The following AGBL4 variants were observed in gnomAD, a reference collection of about 807,000 sequenced individuals.
The protein encoded by AGBL4 is cytosolic carboxypeptidase 6.
In AGBL4, 58 loss-of-function variants were observed where a neutral mutation model predicts 66.4. The observed-to-expected ratio is 0.87, with a 90% CI of 0.71 to 1.09. The LOEUF (loss-of-function observed/expected upper bound fraction) is 1.09. Ranked by LOEUF, AGBL4 falls within the 50% of genes least tolerant of loss-of-function variation. The probability of loss-of-function intolerance (pLI) is 0.00; values close to 1 mark genes in which losing one functional copy is unlikely to be tolerated. For synonymous variants in AGBL4, 234 were observed against 222.9 expected (o/e 1.05, Z -0.44); for missense variants, 579 against 631.0 (o/e 0.92, Z 0.88).
rs565127283 is a variant in AGBL4 at position 49,350,187 on chromosome 1, G to GTT, written c.283-104325_283-104324dup. Among the ~76,000 whole-genome samples the GTT allele has an allele frequency of 3.4e-4, 48 of 142,598 alleles. No homozygotes were observed. The East Asian group carries it at 3.5e-3, about 10-fold the overall frequency. 93.5% of individuals were successfully genotyped at this position (142,598 alleles called of 152,430 possible). A position where few individuals can be genotyped will look rare whatever the true frequency, so the allele number is the denominator to read the frequency against. On this transcript the variant is annotated intron_variant, in intron 3 of 13. Coordinates refer to ENST00000371839, the MANE Select transcript of AGBL4 (RefSeq NM_032785.4). ...AATTAAAATACTTCAATGAATATTT[G>GTT]TTTTTTTTTTTGTTTTGTTTTGTTT...
intron 1 of AGBL4, among the ~76,000 whole-genome samples, chr1:49,920,219 A>C (rs1169280582): frequency 4.6e-5 from 7 of 152,306 alleles, no homozygotes; most frequent in South Asian, 2.1e-4. Context: ...CAATGGCAAC[A>C]AAAGCCAAAA....
At chr1:48,726,862 C>G (rs1647307936) in intron 6 of AGBL4, among the ~76,000 whole-genome samples, 1 of 152,184 alleles carries the variant, frequency 6.6e-6, no homozygotes, top group East Asian at 1.9e-4. Flanking sequence ...TGAAAGGTAG[C>G]TATTATCTCC....
intron 3 of AGBL4, among the ~76,000 whole-genome samples, chr1:49,308,993 G>C (rs545416360): frequency 2.6e-5 from 4 of 152,196 alleles, no homozygotes; most frequent in Non-Finnish European, 4.4e-5. Flanking sequence ...GTACATGAGA[G>C]CTTTTGAGCA....
chr1:49,642,419 T>C (rs1645800632), intron 3 of AGBL4, among the ~76,000 whole-genome samples: 2 of 151,990 alleles, frequency 1.3e-5, no homozygotes, highest in Admixed American at 6.6e-5. Context: ...AGATCCTTGC[T>C]GTCTCCTTAA....
chr1:49,728,533 T>C (rs1649196063), intron 2 of AGBL4, among the ~76,000 whole-genome samples: 1 of 152,220 alleles, frequency 6.6e-6, no homozygotes, highest in East Asian at 1.9e-4. Context: ...TATTAGTTTG[T>C]AATGAGCTTG....
rs372705417 is a variant in AGBL4, at chr1:48,962,096, C to CCCATCCATCCATCCATCCAT, written c.594+83468_594+83487dup. 2.8e-3 allele frequency among the ~76,000 whole-genome samples: 424 copies of CCCATCCATCCATCCATCCAT among 151,148 alleles called. 4 individuals are homozygous for CCCATCCATCCATCCATCCAT. The highest frequency in any genetic ancestry group is 0.015 in the East Asian group (77 of 5,114). On this transcript the variant is annotated intron_variant, in intron 5 of 13. Transcript: ENST00000371839. ...AAGCAACCTGGTTCACTTAAAAGATCCCATCCATCCATCCATCCATCCATC... is the reference window on the plus strand; with the variant it reads ...AAGCAACCTGGTTCACTTAAAAGATCCCATCCATCCATCCATCCATCCATCCATCCATCCATCCATCCATC...
chr1:49,308,817 G>A (rs751142710), intron 3 of AGBL4, among the ~76,000 whole-genome samples: 3 of 152,116 alleles, frequency 2.0e-5, no homozygotes, highest in Admixed American at 6.6e-5. Context: ...GCACAGGTGG[G>A]AGGCTAGGAG....
intron 3 of AGBL4, among the ~76,000 whole-genome samples, chr1:49,570,879 A>G (rs1056391316): frequency 6.6e-6 from 1 of 152,060 alleles, no homozygotes; most frequent in African/African-American, 2.4e-5. Flanking sequence ...CAACTTTTTC[A>G]AAGATCAGTT....
intron 1 of AGBL4, among the ~76,000 whole-genome samples, chr1:49,933,179 A>C (rs377188060): frequency 1.3e-5 from 2 of 152,260 alleles, no homozygotes; most frequent in South Asian, 4.1e-4. Context: ...GCAAGATAAA[A>C]ACAAATAGTA....
At chr1:49,333,589 C>T (rs912011158) in intron 3 of AGBL4, among the ~76,000 whole-genome samples, 1 of 151,624 alleles carries the variant, frequency 6.6e-6, no homozygotes, top group African/African-American at 2.4e-5. Context: ...TCCTTAGATT[C>T]GATGGTGGGT....
chr1:49,677,630 T>A (rs1646606291), intron 3 of AGBL4, among the ~76,000 whole-genome samples: 2 of 152,106 alleles, frequency 1.3e-5, no homozygotes, highest in Non-Finnish European at 2.9e-5. Context: ...AGTGTTTTGT[T>A]CTCTATTTTC....
intron 2 of AGBL4, among the ~76,000 whole-genome samples, chr1:49,745,662 A>C (rs1449833228): frequency 6.6e-6 from 1 of 151,952 alleles, no homozygotes; most frequent in Non-Finnish European, 1.5e-5. Context: ...AAATACAATA[A>C]ATATTATAAA....
rs1644164470 is a variant in AGBL4, at chr1:48,546,592, G to A, written c.1268-6854C>T. ...AGTGGAAGGTGACGCTGAAATATTA[G>A]GCTAGAGACAAGTGAGTGAAGGCTT... On this transcript the variant is annotated intron_variant, in intron 11 of 13. Coordinates refer to ENST00000371839, the MANE Select transcript of AGBL4 (RefSeq NM_032785.4). Among the ~76,000 whole-genome samples the A allele has an allele frequency of 2.0e-5, 3 of 152,158 alleles. No individual in the cohort carries two copies. In the South Asian group the frequency reaches 6.2e-4, roughly 32 times the overall value.
At chr1:48,663,306 T>G in intron 6 of AGBL4, 65 bp from the exon 7 acceptor site, 1 of 1,507,356 alleles carries the variant, frequency 6.6e-7, no homozygotes, top group South Asian at 1.1e-5. Flanking sequence ...GTGGTTGGTG[T>G]GTGGCAGGGA....
chr1:48,590,204 A>C (rs1644890984), intron 10 of AGBL4, among the ~76,000 whole-genome samples: 1 of 152,130 alleles, frequency 6.6e-6, no homozygotes, highest in South Asian at 2.1e-4. Flanking sequence ...TGGGAGTTCG[A>C]GAGCAGCCAG....
intron 5 of AGBL4, among the ~76,000 whole-genome samples, chr1:48,912,261 A>T (rs1469495922): frequency 1.3e-5 from 2 of 152,348 alleles, no homozygotes. Flanking sequence ...GTTCCATGCT[A>T]GGGAATCCAG....
At chr1:49,659,779 T>C (rs960709933) in intron 3 of AGBL4, among the ~76,000 whole-genome samples, 6 of 152,140 alleles carry the variant, frequency 3.9e-5, no homozygotes, top group African/African-American at 1.4e-4. Flanking sequence ...CTGATAGATA[T>C]ATACAGAACT....
intron 3 of AGBL4, among the ~76,000 whole-genome samples, chr1:49,493,544 G>C (rs1368661700): frequency 6.6e-6 from 1 of 151,978 alleles, no homozygotes; most frequent in African/African-American, 2.4e-5. Context: ...AGCTTTTCAG[G>C]TAGAAGGAAC....
intron 3 of AGBL4, among the ~76,000 whole-genome samples, chr1:49,504,897 T>G (rs1310139778): frequency 6.6e-6 from 1 of 151,992 alleles, no homozygotes; most frequent in Non-Finnish European, 1.5e-5. Context: ...GTTTTATTAT[T>G]ATTATTTTTT....
Sources: gnomAD v4.1 joint callset for allele counts (sites outside exome capture counted in the v4.1 genomes callset) on GRCh38, gnomAD v4.1.1 for gene constraint, MANE v1.5 for transcripts, NCBI Gene and HGNC (gene_info 2026-07-23, HGNC 2026-07-21) for gene names.